SNRPN: variants seen among roughly 807,000 people sequenced by gnomAD.
SNRPN encodes small nuclear ribonucleoprotein polypeptide N, also known as small nuclear ribonucleoprotein-associated protein N.
SNRPN carries 7 observed loss-of-function variants against 25.2 expected under a neutral mutation model. The ratio of observed to expected loss-of-function variants is 0.28; its 90% CI spans 0.16 to 0.52. The LOEUF is 0.52. Among genes scored for constraint, SNRPN ranks in the 20% least tolerant of loss-of-function variants. The probability of loss-of-function intolerance (pLI) is 0.96; values close to 1 mark genes in which losing one functional copy is unlikely to be tolerated. For synonymous variants in SNRPN, 124 were observed against 110.6 expected (o/e 1.12, Z -0.76); for missense variants, 196 against 322.5 (o/e 0.61, Z 3.00).
At chr15:24,883,313 T>G (rs767811627) in intron 1 of SNRPN, among the ~76,000 whole-genome samples, 2 of 152,190 alleles carry the variant, frequency 1.3e-5, no homozygotes, top group Non-Finnish European at 2.9e-5. Context: ...GCCCTGTACA[T>G]CAGCCTGCAG....
At chr15:24,952,924 A>G (rs2062396053), upstream of SNRPN, among the ~76,000 whole-genome samples, 1 of 152,174 alleles carries the variant, frequency 6.6e-6, no homozygotes, top group Non-Finnish European at 1.5e-5. Context: ...TTAGGAAAAA[A>G]AAGAAATATA....
rs140627438 is a variant in SNRPN, at chr15:24,945,092, A to G, written c.-390-17022A>G. 2.4e-3 allele frequency among the ~76,000 whole-genome samples: 361 copies of G among 152,266 alleles called. 1 individual carries two copies. Among genetic ancestry groups the G allele is most frequent in the African/African-American group, 8.1e-3 (336 of 41,548 alleles). ...GGTACCATGGCCTAGCCCCATTGAC[A>G]CATAAGATCACTATCACAGTCAGAT... On this transcript the variant is annotated intron_variant, in intron 3 of 11. Coordinates refer to the SNRPN transcript ENST00000400097.
intron 5 of SNRPN, among the ~76,000 whole-genome samples, chr15:24,975,907 CTT>C (rs567746552): frequency 1.5e-3 from 228 of 152,258 alleles, no homozygotes; most frequent in African/African-American, 5.2e-3. Context: ...GGTATCCTCT[CTT>C]TGCCTATCAC....
At chr15:24,893,432 C>T (rs914066084) in intron 2 of SNRPN, among the ~76,000 whole-genome samples, 21 of 151,824 alleles carry the variant, frequency 1.4e-4, no homozygotes, top group African/African-American at 4.8e-4. Flanking sequence ...GCCTGGGCAA[C>T]GTATTGAGAC....
chr15:24,841,455 TC>T (rs1375474561), intron 2 of SNRPN, among the ~76,000 whole-genome samples: 1 of 152,098 alleles, frequency 6.6e-6, no homozygotes, highest in Non-Finnish European at 1.5e-5. Flanking sequence ...ACCAGTTTGT[TC>T]CCAAACCTCC....
chr15:24,877,553 G>A (rs1324515914), intron 1 of SNRPN, among the ~76,000 whole-genome samples: 2 of 151,928 alleles, frequency 1.3e-5, no homozygotes, highest in African/African-American at 2.4e-5. Context: ...GGCCGGGCGC[G>A]GTGGCTGACG....
Position 24,971,409 on chromosome 15 carries a change from T to C in SNRPN, c.-143-2902T>C, listed in dbSNP as rs529141478. ...GACTACATTGTATCACATTTAGGGATGAGAGAGAACTGTTTCTAAATTCCA... is the reference window on the plus strand; with the variant it reads ...GACTACATTGTATCACATTTAGGGACGAGAGAGAACTGTTTCTAAATTCCA... On this transcript the variant is annotated intron_variant, in intron 3 of 9. Coordinates refer to ENST00000390687, the MANE Select transcript of SNRPN (RefSeq NM_003097.6). Among the ~76,000 whole-genome samples the C allele has an allele frequency of 1.4e-4, 21 of 152,332 alleles. 1 individual carries two copies. Among genetic ancestry groups the C allele is most frequent in the South Asian group, 1.0e-3 (5 of 4,830 alleles).
intron 2 of SNRPN, among the ~76,000 whole-genome samples, chr15:24,900,891 T>C (rs2058401057): frequency 6.6e-6 from 1 of 152,078 alleles, no homozygotes; most frequent in Non-Finnish European, 1.5e-5. Context: ...GTCCATAAAT[T>C]TAAGACCGGT....
At chr15:24,943,402 A>C (rs757340419) in intron 3 of SNRPN, among the ~76,000 whole-genome samples, 1 of 152,120 alleles carries the variant, frequency 6.6e-6, no homozygotes, top group Non-Finnish European at 1.5e-5. Context: ...ATCTGATTGA[A>C]GGGAACCCCC....
At chr15:24,947,553 G>A (rs369518242) in intron 3 of SNRPN, among the ~76,000 whole-genome samples, 1 of 152,178 alleles carries the variant, frequency 6.6e-6, no homozygotes, top group Non-Finnish European at 1.5e-5. Context: ...GCCTGAACCC[G>A]GGAGGCGGAG....
chr15:24,955,692 G>C (rs1479803743), intron 1 of SNRPN, among the ~76,000 whole-genome samples: 3 of 150,386 alleles, frequency 2.0e-5, no homozygotes, highest in African/African-American at 7.4e-5. Flanking sequence ...TGGGGGTTGT[G>C]TTGGTGGTCG....
chr15:24,834,295 G>A (rs374595897), intron 2 of SNRPN, among the ~76,000 whole-genome samples: 1 of 140,996 alleles, frequency 7.1e-6, no homozygotes, highest in Non-Finnish European at 1.6e-5. Context: ...TTTCAGAGAG[G>A]CTCTTCCTGG....
intron 3 of SNRPN, among the ~76,000 whole-genome samples, chr15:24,938,665 A>C (rs1193947104): frequency 6.6e-6 from 1 of 152,214 alleles, no homozygotes; most frequent in African/African-American, 2.4e-5. Flanking sequence ...TTTGGTCAGG[A>C]GGCAGAAGAT....
chr15:24,920,000 C>G (rs1299093471), intron 2 of SNRPN: 1 of 152,080 alleles, frequency 6.6e-6, no homozygotes, highest in Non-Finnish European at 1.5e-5. Context: ...CTTTACAATT[C>G]TCAACCTCAG....
At position 24,974,366 on chromosome 15, in the gene SNRPN, G is replaced by A. The variant is rs201873312; in HGVS notation, c.-88G>A. On this transcript the variant is annotated 5_prime_UTR_variant, in exon 4 of 10. Coordinates refer to ENST00000390687, the MANE Select transcript of SNRPN (RefSeq NM_003097.6). ...GCTTGCATTGTTTCTAGGAGAACCT[G>A]CGTCATACCTTTATCTATAGCCTTC... The A allele has an allele frequency of 5.6e-6, 7 of 1,247,136 alleles. No individual in the cohort carries two copies. Among genetic ancestry groups the A allele is most frequent in the African/African-American group, 3.0e-5 (2 of 67,672 alleles). 77.3% of individuals were successfully genotyped at this position (1,247,136 alleles called of 1,614,324 possible). A position where few individuals can be genotyped will look rare whatever the true frequency, so the allele number is the denominator to read the frequency against.
At chr15:24,869,104 C>T (rs573753886) in intron 1 of SNRPN, among the ~76,000 whole-genome samples, 1 of 152,082 alleles carries the variant, frequency 6.6e-6, no homozygotes, top group Non-Finnish European at 1.5e-5. Context: ...ATGATCACAC[C>T]ACAGCGCTCC....
intron 2 of SNRPN, among the ~76,000 whole-genome samples, chr15:24,891,459 A>G (rs1372370160): frequency 1.3e-5 from 2 of 150,692 alleles, no homozygotes; most frequent in African/African-American, 4.9e-5. Context: ...TTTTTTTGAG[A>G]CGGATTCTCG....
Position 24,963,235 on chromosome 15 carries a change from A to G in SNRPN, c.-295+1026A>G, listed in dbSNP as rs1322242422. ...TACAAAGTGTGCGTGGTGTGATAAC[A>G]TTATTATTGTAATCGTTAGCTTGCT... On this transcript the variant is annotated intron_variant, in intron 2 of 9. Coordinates refer to ENST00000390687, the MANE Select transcript of SNRPN (RefSeq NM_003097.6). Among the ~76,000 whole-genome samples, 3 of 152,234 alleles carry G rather than the reference A, an allele frequency of 2.0e-5. No homozygotes were observed. The South Asian group carries it at 6.2e-4, about 32-fold the overall frequency.
chr15:24,935,864 A>G (rs2061196588), intron 3 of SNRPN, among the ~76,000 whole-genome samples: 1 of 152,108 alleles, frequency 6.6e-6, no homozygotes, highest in Non-Finnish European at 1.5e-5. Flanking sequence ...CACCCCTGTA[A>G]TCCCAGTACT....
Sources: gnomAD v4.1 joint callset for allele counts (sites outside exome capture counted in the v4.1 genomes callset) on GRCh38, gnomAD v4.1.1 for gene constraint, MANE v1.5 for transcripts, NCBI Gene and HGNC (gene_info 2026-07-23, HGNC 2026-07-21) for gene names.